NFASC: variants seen among roughly 807,000 people sequenced by gnomAD.
The protein encoded by NFASC is neurofascin homolog.
Under a neutral mutation model 147.5 loss-of-function variants are expected in NFASC, and 43 were observed. That is an observed-to-expected ratio of 0.29 (90% CI 0.23 to 0.38). NFASC has a LOEUF of 0.38. Among genes scored for constraint, NFASC ranks in the 10% least tolerant of loss-of-function variants. NFASC has a pLI of 1.00. For synonymous variants in NFASC, 622 were observed against 665.5 expected (o/e 0.93, Z 1.01); for missense variants, 1,320 against 1,689.0 (o/e 0.78, Z 3.83).
chr1:204,940,579 A>G (rs1367748055), intron 2 of NFASC, among the ~76,000 whole-genome samples: 3 of 148,092 alleles, frequency 2.0e-5, no homozygotes, highest in Non-Finnish European at 4.5e-5. Context: ...CCCATTAACC[A>G]GTTTCCCTCC....
intron 3 of NFASC, chr1:204,948,780 A>T: frequency 1.9e-6 from 1 of 514,246 alleles, no homozygotes; most frequent in South Asian, 1.4e-5. Context: ...GAAGTCTTGA[A>T]TAGGCAAAGG....
chr1:204,977,822 G>A, intron 17 of NFASC, 97 bp downstream of exon 17: 1 of 1,168,460 alleles, frequency 8.6e-7, no homozygotes, highest in Non-Finnish European at 1.2e-6. Flanking sequence ...AAGGGCGACA[G>A]TGTGTAGGTT....
rs1468561083 is a variant in NFASC at position 205,016,721 on chromosome 1, C to T, written c.*182C>T. On this transcript the variant is annotated 3_prime_UTR_variant, in exon 30 of 30. Transcript: ENST00000339876. This position sits in a 1 kb window ranked among gnomAD's most constrained non-coding sequence, Gnocchi z 5.1. ...CCACCCACAAGCCCCCTCCCAATGA[C>T]CCCCCTTCAGCCCCGGGTGCCACCA... 3 of 670,208 alleles carry T rather than the reference C, an allele frequency of 4.5e-6. No homozygotes were observed. Among genetic ancestry groups the T allele is most frequent in the Non-Finnish European group, 8.2e-6 (3 of 365,806 alleles). The allele number at this position is 670,208 out of a possible 1,614,324, so 41.5% of individuals were successfully genotyped here. A position where few individuals can be genotyped will look rare whatever the true frequency, so the allele number is the denominator to read the frequency against.
chr1:204,971,444 A>C (rs1417005089), intron 11 of NFASC, among the ~76,000 whole-genome samples: 1 of 152,218 alleles, frequency 6.6e-6, no homozygotes, highest in African/African-American at 2.4e-5. Flanking sequence ...GTCAGAGGAA[A>C]TGTAAACAAT....
At chr1:204,877,062 ATATATTTATATATATATAATATATTTATT>A (rs1372434198) in intron 1 of NFASC, among the ~76,000 whole-genome samples, 35 of 106,152 alleles carry the variant, frequency 3.3e-4, no homozygotes, top group African/African-American at 1.6e-3. Context: ...ATATTTATTT[ATATATTTATATATATATAATATATTTATT>A]TATATATTTA....
intron 1 of NFASC, among the ~76,000 whole-genome samples, chr1:204,898,017 C>T (rs189280275): frequency 1.2e-4 from 18 of 152,262 alleles, no homozygotes; most frequent in East Asian, 5.8e-4. Flanking sequence ...GGATTACAAG[C>T]GTAAGCCACC....
At chr1:204,897,403 A>G (rs746749483) in intron 1 of NFASC, among the ~76,000 whole-genome samples, 1 of 152,148 alleles carries the variant, frequency 6.6e-6, no homozygotes, top group Non-Finnish European at 1.5e-5. Context: ...AAACCAGGCT[A>G]GAGTTTAAAC....
In NFASC at chr1:204,987,557, C is replaced by T; in HGVS notation, c.2593+17C>T. ...ATGTGGCCTGTACGTTCTGCCCTTC[C>T]CTTTCTCTTAGATAATCTGGGAACC... On this transcript the variant is annotated intron_variant, in intron 22 of 29. Transcript: ENST00000339876. The surrounding 1 kb of genome is among the most constrained non-coding windows in gnomAD (Gnocchi z 4.4). 1.9e-6 allele frequency: 3 copies of T among 1,613,900 alleles called. No individual in the cohort carries two copies. The highest frequency in any genetic ancestry group is 2.5e-6 in the Non-Finnish European group (3 of 1,179,876).
chr1:204,843,926 C>T (rs1028855404), intron 1 of NFASC, among the ~76,000 whole-genome samples: 5 of 151,954 alleles, frequency 3.3e-5, no homozygotes, highest in African/African-American at 4.8e-5. Flanking sequence ...TTAGTACAGA[C>T]GGGGTTTCTC....
rs747955229 is a variant in NFASC, at chr1:204,957,848, G to A, written c.706+22G>A. 61 of 1,611,906 alleles carry A rather than the reference G, an allele frequency of 3.8e-5. No individual in the cohort carries two copies. The East Asian group carries it at 6.5e-4, about 17-fold the overall frequency. ...ACCAGTAAGTGAAGGCCCCTGTCCC[G>A]GGGCTGGGGGCCAAAGAAAGAAGCC... On this transcript the variant is annotated intron_variant, in intron 8 of 29. Coordinates refer to ENST00000339876, the MANE Select transcript of NFASC (RefSeq NM_001005388.3).
chr1:205,009,326 C>T, intron 27 of NFASC: 3 of 669,150 alleles, frequency 4.5e-6, no homozygotes, highest in South Asian at 1.5e-5. Context: ...TGCTTATTTG[C>T]TCCTTGTACC....
intron 1 of NFASC, among the ~76,000 whole-genome samples, chr1:204,909,650 G>C (rs1257816862): frequency 6.6e-6 from 1 of 152,186 alleles, no homozygotes; most frequent in Admixed American, 6.5e-5. Flanking sequence ...TCTAGCTCCA[G>C]ATTGCAACAA....
chr1:204,903,024 A>G (rs2085001231), intron 1 of NFASC, among the ~76,000 whole-genome samples: 1 of 152,186 alleles, frequency 6.6e-6, no homozygotes, highest in Non-Finnish European at 1.5e-5. Flanking sequence ...AGCATTGAGA[A>G]TACCATTCTC....
At chr1:204,933,402 T>C (rs1480728589) in intron 2 of NFASC, among the ~76,000 whole-genome samples, 3 of 152,132 alleles carry the variant, frequency 2.0e-5, no homozygotes, top group African/African-American at 7.2e-5. Flanking sequence ...AATTCCCAGG[T>C]GTCTGGCTTG....
In NFASC at chr1:204,931,621, C is replaced by A. The variant is rs558465954; in HGVS notation, c.-91+10881C>A. On this transcript the variant is annotated intron_variant, in intron 2 of 29. Transcript: ENST00000339876. ...AGTAATCTGTTGGTGTATCCCTAGG[C>A]ACTAACTCATGTGCACAACCTTGGA... 1.5e-3 allele frequency among the ~76,000 whole-genome samples: 227 copies of A among 152,324 alleles called. 1 individual carries two copies. The highest frequency in any genetic ancestry group is 4.9e-3 in the African/African-American group (205 of 41,566).
At chr1:204,910,139 G>A (rs970502828) in intron 1 of NFASC, among the ~76,000 whole-genome samples, 14 of 150,042 alleles carry the variant, frequency 9.3e-5, no homozygotes, top group African/African-American at 3.4e-4. Flanking sequence ...ATTTTAATAA[G>A]GATTGCATTA....
chr1:204,955,629 C>T (rs1488305972), intron 7 of NFASC, among the ~76,000 whole-genome samples: 2 of 152,044 alleles, frequency 1.3e-5, no homozygotes, highest in Non-Finnish European at 2.9e-5. Flanking sequence ...TCAGTTTCTT[C>T]CCATGTTTTC....
chr1:204,829,554 T>C (rs540231780), intron 1 of NFASC, among the ~76,000 whole-genome samples: 15 of 152,244 alleles, frequency 9.9e-5, no homozygotes, highest in East Asian at 1.9e-4. Flanking sequence ...TCGATCCTAT[T>C]TGTGGCTTGG....
At chr1:204,984,804 G>T (rs1436207676) in intron 21 of NFASC, among the ~76,000 whole-genome samples, 2 of 152,136 alleles carry the variant, frequency 1.3e-5, no homozygotes, top group Admixed American at 1.3e-4. Context: ...CAGATGGGAA[G>T]AAGAGAGAGA....
Sources: allele counts gnomAD v4.1 joint callset (sites outside exome capture counted in the v4.1 genomes callset), GRCh38; gene constraint gnomAD v4.1.1; non-coding constraint Gnocchi (gnomAD v3.1); transcripts MANE v1.5; gene names NCBI Gene and HGNC (gene_info 2026-07-23, HGNC 2026-07-21).